JAM3: variants seen among roughly 807,000 people sequenced by gnomAD.
JAM3 encodes junctional adhesion molecule 3.
A neutral mutation model predicts 39.4 loss-of-function variants in JAM3; 31 were observed. The observed-to-expected ratio is 0.79, with a 90% CI of 0.59 to 1.06. JAM3 has a LOEUF of 1.06. Ranked by LOEUF, JAM3 falls within the 50% of genes least tolerant of loss-of-function variation. The pLI is 0.00. For synonymous variants in JAM3, 182 were observed against 148.7 expected, an observed-to-expected ratio of 1.22 and a Z score of -1.63; for missense variants, 455 against 391.4, an observed-to-expected ratio of 1.16 and a Z score of -1.37.
Position 134,145,145 on chromosome 11 carries a change from C to T in JAM3, c.612+151C>T, listed in dbSNP as rs959117703. Reference sequence around the variant, plus strand: ...GTTAGGGATTCTACAGGAAAAATGACCCTTCTTCCTTTTATAAACAAGTAC... The same window carrying T: ...GTTAGGGATTCTACAGGAAAAATGATCCTTCTTCCTTTTATAAACAAGTAC... On this transcript the variant is annotated intron_variant, in intron 5 of 8. Coordinates refer to ENST00000299106, the MANE Select transcript of JAM3 (RefSeq NM_032801.5). The T allele has an allele frequency of 3.1e-5, 22 of 713,042 alleles. No homozygotes were observed. In the Admixed American group the frequency reaches 3.3e-4, roughly 11 times the overall value. 44.2% of individuals were successfully genotyped at this position (713,042 alleles called of 1,614,324 possible).
intron 1 of JAM3, among the ~76,000 whole-genome samples, chr11:134,117,318 A>G (rs569529110): frequency 6.6e-6 from 1 of 152,326 alleles, no homozygotes; most frequent in Non-Finnish European, 1.5e-5. Context: ...CGGAGGTTGC[A>G]CTGAGCTGAG....
At chr11:134,095,631 A>G (rs567720262) in intron 1 of JAM3, among the ~76,000 whole-genome samples, 65 of 152,034 alleles carry the variant, frequency 4.3e-4, no homozygotes, top group East Asian at 3.1e-3. Context: ...CTCTGTCAAA[A>G]AAAAAAAAAA....
chr11:134,102,110 T>C (rs1942086242), intron 1 of JAM3, among the ~76,000 whole-genome samples: 1 of 152,132 alleles, frequency 6.6e-6, no homozygotes, highest in Non-Finnish European at 1.5e-5. Context: ...TAGGCACTAA[T>C]TTAGACATTT....
At chr11:134,114,000 A>G (rs1942371874) in intron 1 of JAM3, among the ~76,000 whole-genome samples, 1 of 152,106 alleles carries the variant, frequency 6.6e-6, no homozygotes, top group Non-Finnish European at 1.5e-5. Context: ...TCTTTTCAGA[A>G]GTGTCTGTTC....
At chr11:134,124,370 G>A in intron 1 of JAM3, 4 of 662,036 alleles carry the variant, frequency 6.0e-6, no homozygotes, top group South Asian at 3.6e-5. Flanking sequence ...AGTGTGATGG[G>A]AAAAGTGAAA....
chr11:134,069,889 T>C (rs192907297), intron 1 of JAM3, among the ~76,000 whole-genome samples: 1 of 152,318 alleles, frequency 6.6e-6, no homozygotes, highest in East Asian at 1.9e-4. Flanking sequence ...ATCCAGTACC[T>C]TTTTTGTCTC....
intron 1 of JAM3, among the ~76,000 whole-genome samples, chr11:134,071,100 AATTGC>A (rs1331076558): frequency 6.6e-6 from 1 of 152,110 alleles, no homozygotes; most frequent in Non-Finnish European, 1.5e-5. Flanking sequence ...GATTATTCTC[AATTGC>A]TATTACTATT....
At chr11:134,087,790 C>T (rs1003651294) in intron 1 of JAM3, among the ~76,000 whole-genome samples, 2 of 152,260 alleles carry the variant, frequency 1.3e-5, no homozygotes, top group South Asian at 2.1e-4. Flanking sequence ...CCTCTTAATT[C>T]GCATGGACAT....
chr11:134,082,385 G>T (rs572007301), intron 1 of JAM3, among the ~76,000 whole-genome samples: 21 of 152,186 alleles, frequency 1.4e-4, no homozygotes, highest in African/African-American at 4.3e-4. Flanking sequence ...TTTGGGAGGG[G>T]CCAGGGGTGG....
intron 1 of JAM3, among the ~76,000 whole-genome samples, chr11:134,139,228 C>T (rs1398744843): frequency 6.6e-6 from 1 of 152,198 alleles, no homozygotes; most frequent in African/African-American, 2.4e-5. Context: ...AGTTATCTTG[C>T]TTTCATCAAT....
At chr11:134,084,493 A>G (rs752298514) in intron 1 of JAM3, among the ~76,000 whole-genome samples, 2 of 152,168 alleles carry the variant, frequency 1.3e-5, no homozygotes, top group African/African-American at 2.4e-5. Context: ...AAATAACACA[A>G]ATTAAAATTA....
intron 1 of JAM3, among the ~76,000 whole-genome samples, chr11:134,131,150 A>T (rs1942761595): frequency 6.6e-6 from 1 of 150,380 alleles, no homozygotes; most frequent in African/African-American, 2.4e-5. Context: ...CTAGATTCAG[A>T]ATAAGCCTAG....
chr11:134,120,358 A>G (rs1297381605), intron 1 of JAM3, among the ~76,000 whole-genome samples: 6 of 152,240 alleles, frequency 3.9e-5, no homozygotes, highest in Admixed American at 3.9e-4. Flanking sequence ...AGCAAGCTAA[A>G]TATAACTCCT....
chr11:134,118,348 C>T (rs796937381), intron 1 of JAM3, among the ~76,000 whole-genome samples: 8 of 152,194 alleles, frequency 5.3e-5, no homozygotes, highest in African/African-American at 1.9e-4. Flanking sequence ...AAGATGGTGA[C>T]CCTCCCTCCA....
chr11:134,089,529 A>G (rs1053693561), intron 1 of JAM3, among the ~76,000 whole-genome samples: 4 of 152,090 alleles, frequency 2.6e-5, no homozygotes, highest in South Asian at 2.1e-4. Context: ...TCATTGTTCA[A>G]TTCCCACCTA....
In JAM3 at chr11:134,150,130, AC is replaced by A. The variant is rs1943171087; in HGVS notation, c.*950del. The A allele has an allele frequency of 6.5e-6, 1 of 154,412 alleles. No individual in the cohort carries two copies. Among genetic ancestry groups the A allele is most frequent in the African/African-American group, 2.4e-5 (1 of 41,472 alleles). The allele number at this position is 154,412 out of a possible 1,614,324, so 9.6% of individuals were successfully genotyped here. ...CCAAGGAATCCTCTCATGGAAGTTT[AC>A]TGTGATGTTCCTTTTCTCACACAAG... is the stretch of plus-strand genomic sequence containing the variant. On this transcript the variant is annotated 3_prime_UTR_variant, in exon 9 of 9. Transcript: ENST00000299106.
At chr11:134,126,659 G>A (rs1041394920) in intron 1 of JAM3, among the ~76,000 whole-genome samples, 1 of 152,204 alleles carries the variant, frequency 6.6e-6, no homozygotes, top group Non-Finnish European at 1.5e-5. Flanking sequence ...AGTTGGAGAT[G>A]ATTCAGGAAG....
At chr11:134,094,376 TCTC>T (rs1186684161) in intron 1 of JAM3, among the ~76,000 whole-genome samples, 1 of 139,814 alleles carries the variant, frequency 7.2e-6, no homozygotes, top group Non-Finnish European at 1.6e-5. Flanking sequence ...GAGGGAAGCT[TCTC>T]CTGAACCCTC....
chr11:134,087,356 GAAAC>G (rs775613349), intron 1 of JAM3, among the ~76,000 whole-genome samples: 107 of 152,286 alleles, frequency 7.0e-4, no homozygotes, highest in Non-Finnish European at 1.4e-3. Context: ...AATGCTGAAA[GAAAC>G]CATATGCTTA....
Sources: gnomAD v4.1 joint callset for allele counts (sites outside exome capture counted in the v4.1 genomes callset) on GRCh38, gnomAD v4.1.1 for gene constraint, MANE v1.5 for transcripts, NCBI Gene and HGNC (gene_info 2026-07-23, HGNC 2026-07-21) for gene names.